The following CTU2 variants were observed in gnomAD, a reference collection of about 807,000 sequenced individuals.
The protein encoded by CTU2 is cytosolic thiouridylase subunit 2, also known as cytoplasmic tRNA 2-thiolation protein 2.
Under a neutral mutation model 64.1 loss-of-function variants are expected in CTU2, and 80 were observed. That is an observed-to-expected ratio of 1.25 (90% CI 1.04 to 1.50). The LOEUF (loss-of-function observed/expected upper bound fraction) is 1.50, where lower values mean the gene tolerates loss of function less well. Among genes scored for constraint, CTU2 ranks in the 40% most tolerant of loss-of-function variants. The pLI is 0.00. For synonymous variants in CTU2, 482 were observed against 285.3 expected (o/e 1.69, Z -6.95); for missense variants, 1,110 against 690.2 (o/e 1.61, Z -6.81).
chr16:88,715,224 C>CAGTG lies in CTU2; in HGVS notation c.1523_1526dup (p.Asp509GlufsTer2). On this transcript the variant is annotated frameshift_variant, in exon 15 of 15. Transcript: ENST00000453996. LOFTEE classifies it low-confidence loss of function (END_TRUNC). Reference sequence around the variant, plus strand: ...AGATCCGGGACTGTCTGATTGAGGACAGTGACGACGAGGCGGGCCAGAGCT... The same window carrying CAGTG: ...AGATCCGGGACTGTCTGATTGAGGACAGTGAGTGACGACGAGGCGGGCCAGAGCT... The CAGTG allele has an allele frequency of 6.2e-7, 1 of 1,612,280 alleles. No individual in the cohort carries two copies. The highest frequency in any genetic ancestry group is 1.1e-5 in the South Asian group (1 of 91,086).
Position 88,712,615 on chromosome 16 carries a change from C to G in CTU2, c.454-7C>G. The G allele has an allele frequency of 1.2e-6, 2 of 1,608,506 alleles. No individual in the cohort carries two copies. Among genetic ancestry groups the G allele is most frequent in the Non-Finnish European group, 1.7e-6 (2 of 1,178,572 alleles). On this transcript the variant is annotated splice_region_variant and splice_polypyrimidine_tract_variant and intron_variant, in intron 6 of 14. Coordinates refer to ENST00000453996, the MANE Select transcript of CTU2 (RefSeq NM_001012759.3). ...GGGCCTCACTGGCGTCTCCCTCATC[C>G]CGGAAGGTGTTCAGCCTGCCACCGT...
Position 88,711,707 on chromosome 16 carries a change from C to T in CTU2, c.343+12C>T. 1.2e-6 allele frequency: 2 copies of T among 1,606,672 alleles called. No individual in the cohort carries two copies. Among genetic ancestry groups the T allele is most frequent in the Non-Finnish European group, 1.7e-6 (2 of 1,175,080 alleles). On this transcript the variant is annotated intron_variant, in intron 5 of 14. Coordinates refer to ENST00000453996, the MANE Select transcript of CTU2 (RefSeq NM_001012759.3). ...CATCTTTGTTGACGGTATGTGGGGC[C>T]ATTGCTCCTCCTAGTCCCTGGCCAC...
intron 8 of CTU2, 98 bp from the exon 9 acceptor site, chr16:88,713,549 G>A: frequency 7.2e-7 from 1 of 1,390,434 alleles, no homozygotes; most frequent in Non-Finnish European, 9.8e-7. Flanking sequence ...TGCGGCCTCG[G>A]ATGGTGGTGG....
At chr16:88,707,264 G>T in intron 2 of CTU2, 54 bp downstream of exon 2, 2 of 1,486,960 alleles carry the variant, frequency 1.3e-6, no homozygotes, top group South Asian at 2.3e-5. Flanking sequence ...CTAGCAGACA[G>T]GATAGCCGCA....
Position 88,712,761 on chromosome 16 carries a change from A to G in CTU2, c.593A>G (p.Gln198Arg). The G allele has an allele frequency of 6.2e-7, 1 of 1,608,618 alleles. No individual in the cohort carries two copies. Among genetic ancestry groups the G allele is most frequent in the Non-Finnish European group, 8.5e-7 (1 of 1,178,320 alleles). ...GCCGGGGGTGGTCCTGGCCCGACTC[A>G]AGGGGAGGAACAGCCACCCCAGCCC... ...LGAGGGPGPTQGEEQPPQPPL... is the reference protein window; with the variant it reads ...LGAGGGPGPTRGEEQPPQPPL... The change falls in exon 7 of 15, where the codon CAA (glutamine) becomes CGA (arginine). Residue 198 changes from glutamine (Q) to arginine (R), a missense_variant. By Grantham distance (43) the Gln-to-Arg change is conservative. Transcript: ENST00000453996.
rs182790212 is a variant in CTU2, at chr16:88,715,113, G to T, written c.1478+7G>T. 6.3e-7 allele frequency: 1 copy of T among 1,594,086 alleles called. No homozygotes were observed. Among genetic ancestry groups the T allele is most frequent in the African/African-American group, 1.3e-5 (1 of 74,724 alleles). On this transcript the variant is annotated splice_region_variant and intron_variant, in intron 14 of 14. Coordinates refer to ENST00000453996, the MANE Select transcript of CTU2 (RefSeq NM_001012759.3). ...CCCAGCTCCGCACACAGAGGTACTG[G>T]GGCCCACACTGCCGTGGCGCGTGGG...
Position 88,712,352 on chromosome 16 carries a change from G to C in CTU2, c.422G>C (p.Gly141Ala). Reference sequence around the variant, plus strand: ...GTGAAGCCCATTCTGCAAGCAACTGGGTTCCCATGGCATGTGGTGGCCTTA... The same window carrying C: ...GTGAAGCCCATTCTGCAAGCAACTGCGTTCCCATGGCATGTGGTGGCCTTA... ...AEVKPILQAT[G>A]FPWHVVALEE... Residue 141 changes from glycine to alanine, a missense_variant, in exon 6 of 15, where the codon GGG (glycine) becomes GCG (alanine). Physicochemically the swap from Gly to Ala is moderately conservative, Grantham distance 60. Coordinates refer to ENST00000453996, the MANE Select transcript of CTU2 (RefSeq NM_001012759.3). 6.2e-7 allele frequency: 1 copy of C among 1,610,292 alleles called. No individual in the cohort carries two copies. Among genetic ancestry groups the C allele is most frequent in the East Asian group, 2.2e-5 (1 of 44,820 alleles).
chr16:88,712,658 G>T lies in CTU2; in HGVS notation c.490G>T (p.Ala164Ser), dbSNP rs756506085. Residue 164 changes from alanine (A) to serine (S), a missense_variant, in exon 7 of 15, where the codon GCC becomes TCC. Physicochemically the swap from Ala to Ser is moderately conservative, Grantham distance 99 (BLOSUM62 1). Coordinates refer to ENST00000453996, the MANE Select transcript of CTU2 (RefSeq NM_001012759.3). ...SLPPSVLWCS[A>S]QELVGSEGAY... ...GCCACCGTCGGTGCTTTGGTGCTCTGCCCAGGAGCTGGTGGGATCCGAGGG... is the reference window on the plus strand; with the variant it reads ...GCCACCGTCGGTGCTTTGGTGCTCTTCCCAGGAGCTGGTGGGATCCGAGGG... The T allele has an allele frequency of 1.2e-6, 2 of 1,610,444 alleles. No individual in the cohort carries two copies. The highest frequency in any genetic ancestry group is 1.3e-5 in the African/African-American group (1 of 74,836).
At chr16:88,712,522 C>G (rs1416454082) in intron 6 of CTU2, 100 bp from the exon 7 acceptor site, 1 of 1,513,694 alleles carries the variant, frequency 6.6e-7, no homozygotes, top group Non-Finnish European at 8.9e-7. Context: ...GCCCGTGCCC[C>G]AGCCTCACTG....
Position 88,715,048 on chromosome 16 carries a change from C to T in CTU2, c.1420C>T (p.Pro474Ser). The T allele has an allele frequency of 6.4e-7, 1 of 1,574,556 alleles. No homozygotes were observed. The change falls in exon 14 of 15, where the codon CCC becomes TCC. Residue 474 changes from proline to serine, a missense_variant and splice_region_variant. Transcript: ENST00000453996. ...YSCRVNMKDL[P>S]SLDPLPPYIL... is the part of the protein sequence containing the mutation. ...CCCTCGACACCGGCCTCTGTTGCAG[C>T]CCTCACTGGACCCCCTGCCGCCGTA...
chr16:88,711,825 G>GGGGCAGCA, intron 5 of CTU2, 130 bp downstream of exon 5: 1 of 830,794 alleles, frequency 1.2e-6, no homozygotes, highest in Non-Finnish European at 1.9e-6. Context: ...TACTGGTGCT[G>GGGGCAGCA]CCCCTGCACT....
At chr16:88,713,928 C>G in intron 9 of CTU2, 150 bp downstream of exon 9, 1 of 1,233,846 alleles carries the variant, frequency 8.1e-7, no homozygotes, top group South Asian at 1.4e-5. Context: ...TGAGCCCACC[C>G]TGTGCCGTGA....
In CTU2 at chr16:88,714,916, T is replaced by C. The variant is rs1339119724; in HGVS notation, c.1409T>C (p.Met470Thr). 6.2e-7 allele frequency: 1 copy of C among 1,612,604 alleles called. No individual in the cohort carries two copies. Among genetic ancestry groups the C allele is most frequent in the African/African-American group, 1.3e-5 (1 of 75,036 alleles). ...EQLCYSCRVN[M>T]KDLPSLDPLP... ...CTGTGCTACAGCTGCCGCGTGAACA[T>C]GAAGGACTTGGTGAGTACGTGCCCA... is the stretch of plus-strand genomic sequence containing the variant. Residue 470 changes from methionine to threonine, a missense_variant, in exon 13 of 15, where the codon ATG becomes ACG. Transcript: ENST00000453996.
intron 13 of CTU2, 54 bp downstream of exon 13, chr16:88,714,980 C>T (rs1352273270): frequency 1.9e-6 from 3 of 1,602,986 alleles, no homozygotes; most frequent in African/African-American, 1.3e-5. Context: ...GGAAGGCCGT[C>T]ACCTCGTGGG....
Position 88,712,920 on chromosome 16 carries a change from G to A in CTU2, c.737+15G>A. On this transcript the variant is annotated intron_variant, in intron 7 of 14. Coordinates refer to ENST00000453996, the MANE Select transcript of CTU2 (RefSeq NM_001012759.3). ...CAGACCCTGCGGTGAGGCCCCGAGAGCCCCCCTTCCCCGGGCCCTGACCCC... is the reference window on the plus strand; with the variant it reads ...CAGACCCTGCGGTGAGGCCCCGAGAACCCCCCTTCCCCGGGCCCTGACCCC... 1 of 1,091,576 alleles carries A rather than the reference G, an allele frequency of 9.2e-7. No individual in the cohort carries two copies. 67.6% of individuals were successfully genotyped at this position (1,091,576 alleles called of 1,614,324 possible). A position where few individuals can be genotyped will look rare whatever the true frequency, so the allele number is the denominator to read the frequency against.
Position 88,714,482 on chromosome 16 carries a change from C to A in CTU2, c.1197C>A (p.Ala399=). The A allele has an allele frequency of 6.2e-7, 1 of 1,612,616 alleles. No individual in the cohort carries two copies. The highest frequency in any genetic ancestry group is 8.5e-7 in the Non-Finnish European group (1 of 1,179,868). ...GCATGTGTGCCCTGGACGTCGACGC[C>A]GCTGGTCTGTGTTTCATGCTCTTGG... ...LLCMCALDVD[A]ADSATAFGAQ... is the part of the protein sequence containing the mutation. The change falls in exon 11 of 15, where the codon GCC becomes GCA. Residue 399 remains alanine, a synonymous_variant. Coordinates refer to ENST00000453996, the MANE Select transcript of CTU2 (RefSeq NM_001012759.3).
chr16:88,714,656 CTG>C lies in CTU2; in HGVS notation c.1272_1273del (p.Glu425AspfsTer34). The C allele has an allele frequency of 6.2e-7, 1 of 1,612,624 alleles. No individual in the cohort carries two copies. Among genetic ancestry groups the C allele is most frequent in the Non-Finnish European group, 8.5e-7 (1 of 1,179,872 alleles). On this transcript the variant is annotated frameshift_variant, in exon 12 of 15. Coordinates refer to ENST00000453996, the MANE Select transcript of CTU2 (RefSeq NM_001012759.3). LOFTEE classifies it high-confidence loss of function. The stretch of plus-strand genomic sequence containing the variant: ...CAGATGCAGTCACCCATCCCCCTGA[CTG>C]AGACCCGGACACCCCCGGGGCCCTG...
At chr16:88,706,669 C>G (rs998725126) in intron 1 of CTU2, 71 bp downstream of exon 1, 14 of 1,174,190 alleles carry the variant, frequency 1.2e-5, no homozygotes, top group African/African-American at 1.1e-4. Flanking sequence ...CGAAGGGTCC[C>G]GGCCGGGCTT....
intron 2 of CTU2, among the ~76,000 whole-genome samples, chr16:88,708,461 G>A (rs980345690): frequency 6.6e-6 from 1 of 151,974 alleles, no homozygotes; most frequent in Admixed American, 6.5e-5. Flanking sequence ...GGTGTAGGGC[G>A]CAGAGGCTCT....
Sources: allele counts gnomAD v4.1 joint callset (sites outside exome capture counted in the v4.1 genomes callset), GRCh38; gene constraint gnomAD v4.1.1; transcripts MANE v1.5; gene names NCBI Gene and HGNC (gene_info 2026-07-23, HGNC 2026-07-21).